The following SLCO1C1 variants were observed in gnomAD, a reference collection of about 807,000 sequenced individuals.
SLCO1C1 encodes the protein OAT-RP-5.
SLCO1C1 carries 70 observed loss-of-function variants against 76.4 expected under a neutral mutation model. The ratio of observed to expected loss-of-function variants is 0.92; its 90% CI spans 0.76 to 1.12. SLCO1C1 has a LOEUF of 1.12. Among genes scored for constraint, SLCO1C1 ranks in the 50% most tolerant of loss-of-function variants. The pLI is 0.00. For missense variants in SLCO1C1, 912 were observed against 823.8 expected (o/e 1.11, Z -1.31); for synonymous variants, 306 against 286.1 (o/e 1.07, Z -0.70).
In SLCO1C1 at chr12:20,748,047, T is replaced by G. The variant is rs76147513; in HGVS notation, c.1799-2628T>G. On this transcript the variant is annotated intron_variant, in intron 13 of 14. Coordinates refer to ENST00000266509, the MANE Select transcript of SLCO1C1 (RefSeq NM_017435.5). Reference sequence around the variant, plus strand: ...TAATGACTTGTTTTAATCTGGTGATTCTTGCATCTTAAAAAATAACTTCTT... The same window carrying G: ...TAATGACTTGTTTTAATCTGGTGATGCTTGCATCTTAAAAAATAACTTCTT... 9.3e-3 allele frequency among the ~76,000 whole-genome samples: 1,422 copies of G among 152,330 alleles called. 17 individuals are homozygous for G. The highest frequency in any genetic ancestry group is 0.031 in the African/African-American group (1,303 of 41,566).
Position 20,752,501 on chromosome 12 carries a change from C to T in SLCO1C1, c.2112C>T (p.Tyr704=), listed in dbSNP as rs1382820938. Residue 704 remains tyrosine, a synonymous_variant, in exon 15 of 15, where the codon TAC becomes TAT. Transcript: ENST00000266509. ...GTGATCATCTGCTACAACCCAACTA[C>T]TGGCCAGGCAAGGAAACTCAACTTT... ...TTSDHLLQPN[Y]WPGKETQL is the part of the protein sequence containing the mutation. The T allele has an allele frequency of 1.3e-6, 2 of 1,598,598 alleles. No homozygotes were observed.
chr12:20,737,432 G>C (rs1213438877), intron 11 of SLCO1C1, among the ~76,000 whole-genome samples, 160 bp downstream of exon 11: 1 of 152,142 alleles, frequency 6.6e-6, no homozygotes, highest in African/African-American at 2.4e-5. Flanking sequence ...ACCATTCCTA[G>C]TGGTACTGGA....
At chr12:20,707,086 C>T (rs893989414) in intron 4 of SLCO1C1, among the ~76,000 whole-genome samples, 3 of 151,978 alleles carry the variant, frequency 2.0e-5, no homozygotes, top group African/African-American at 7.3e-5. Context: ...CAAGGTAGGG[C>T]TCAGAATTCT....
At chr12:20,720,372 T>C (rs898519343) in intron 7 of SLCO1C1, among the ~76,000 whole-genome samples, 1 of 152,214 alleles carries the variant, frequency 6.6e-6, no homozygotes, top group Non-Finnish European at 1.5e-5. Context: ...GTCTTATTAT[T>C]TAAGAAACGT....
At chr12:20,711,792 G>A (rs574867427) in intron 5 of SLCO1C1, among the ~76,000 whole-genome samples, 1 of 152,324 alleles carries the variant, frequency 6.6e-6, no homozygotes, top group South Asian at 2.1e-4. Flanking sequence ...AAAGCAGGGT[G>A]AAACTAGTTT....
intron 7 of SLCO1C1, 113 bp downstream of exon 7, chr12:20,717,343 C>T: frequency 2.8e-6 from 2 of 705,834 alleles, no homozygotes; most frequent in South Asian, 4.4e-5. Context: ...GAGTTGTAAT[C>T]TTTCATAAAC....
At chr12:20,699,851 C>A in intron 2 of SLCO1C1, 146 bp downstream of exon 2, 1 of 936,862 alleles carries the variant, frequency 1.1e-6, no homozygotes, top group African/African-American at 1.7e-5. Context: ...CACACCTTGC[C>A]AGGCGGTGCA....
chr12:20,723,350 G>C, intron 9 of SLCO1C1, 96 bp downstream of exon 9: 1 of 1,443,380 alleles, frequency 6.9e-7, no homozygotes, highest in Non-Finnish European at 9.4e-7. Context: ...CAAGATTTAG[G>C]TAATTTATGA....
intron 4 of SLCO1C1, among the ~76,000 whole-genome samples, chr12:20,707,282 G>C (rs190138797): frequency 2.6e-5 from 4 of 151,962 alleles, no homozygotes; most frequent in African/African-American, 9.7e-5. Flanking sequence ...AGAAAGAATG[G>C]GAAGGAGAAG....
chr12:20,726,292 T>G (rs529691204), intron 9 of SLCO1C1, among the ~76,000 whole-genome samples: 6 of 151,988 alleles, frequency 3.9e-5, no homozygotes, highest in Admixed American at 2.0e-4. Flanking sequence ...ATGATCTTCC[T>G]GCAATAAAAT....
At chr12:20,703,334 CTG>C (rs1229092012) in intron 3 of SLCO1C1, among the ~76,000 whole-genome samples, 4 of 151,822 alleles carry the variant, frequency 2.6e-5, no homozygotes, top group Non-Finnish European at 4.4e-5. Flanking sequence ...TCCATGGAAA[CTG>C]TAGAGTTTTG....
intron 3 of SLCO1C1, among the ~76,000 whole-genome samples, chr12:20,705,711 G>A (rs1052481377): frequency 6.6e-6 from 1 of 152,010 alleles, no homozygotes; most frequent in Non-Finnish European, 1.5e-5. Context: ...TAATTAGGTT[G>A]GGTGAAGTGA....
At position 20,702,159 on chromosome 12, in the gene SLCO1C1, T is replaced by C. The variant is rs576726217; in HGVS notation, c.271+700T>C. Among the ~76,000 whole-genome samples, 53 of 152,066 alleles carry C rather than the reference T, an allele frequency of 3.5e-4. No homozygotes were observed. In the Middle Eastern group the frequency reaches 0.017, roughly 49 times the overall value. On this transcript the variant is annotated intron_variant, in intron 3 of 14. Transcript: ENST00000266509. ...TTTTTTGCTGAAGTAAACGAAATAG[T>C]ACCCTCTCTGGTCCTTAAGGCTTGT...
At chr12:20,717,648 CTTTTTTTTT>C (rs534946900) in intron 7 of SLCO1C1, among the ~76,000 whole-genome samples, 10 of 42,268 alleles carry the variant, frequency 2.4e-4, no homozygotes, top group African/African-American at 4.1e-4. Flanking sequence ...AACAGCCCTT[CTTTTTTTTT>C]TTTTTTTTTT....
chr12:20,752,155 C>A, intron 14 of SLCO1C1, 151 bp from the exon 15 acceptor site: 1 of 507,406 alleles, frequency 2.0e-6, no homozygotes, highest in Non-Finnish European at 3.4e-6. Context: ...CTGCCTTCAA[C>A]AGTCTGTCAG....
At chr12:20,740,493 C>G (rs988282823) in intron 12 of SLCO1C1, 125 bp downstream of exon 12, 27 of 805,684 alleles carry the variant, frequency 3.4e-5, no homozygotes, top group Non-Finnish European at 5.0e-5. Flanking sequence ...GTCCCACATC[C>G]TTGTTTCACT....
intron 9 of SLCO1C1, among the ~76,000 whole-genome samples, chr12:20,730,832 G>C (rs1948228689): frequency 6.6e-6 from 1 of 152,132 alleles, no homozygotes; most frequent in Non-Finnish European, 1.5e-5. Context: ...CTGTCCTGCA[G>C]TCCCCAGCTG....
intron 10 of SLCO1C1, among the ~76,000 whole-genome samples, chr12:20,733,670 A>C (rs1948401531): frequency 6.6e-6 from 1 of 152,166 alleles, no homozygotes; most frequent in Admixed American, 6.5e-5. Context: ...AATCATGTAA[A>C]GTTTCAGGAA....
intron 11 of SLCO1C1, among the ~76,000 whole-genome samples, chr12:20,739,304 A>T (rs1948690411): frequency 6.6e-6 from 1 of 152,200 alleles, no homozygotes; most frequent in Non-Finnish European, 1.5e-5. Flanking sequence ...AAAAATAAGT[A>T]AATACAGGAT....
Sources: gnomAD v4.1 joint callset for allele counts (sites outside exome capture counted in the v4.1 genomes callset) on GRCh38, gnomAD v4.1.1 for gene constraint, MANE v1.5 for transcripts, NCBI Gene and HGNC (gene_info 2026-07-23, HGNC 2026-07-21) for gene names.